The following IRAG1 variants were observed in gnomAD, a reference collection of about 807,000 sequenced individuals.
The protein encoded by IRAG1 is inositol 1,4,5-triphosphate receptor associated 1, also known as IP3R-associated cGMP kinase substrate.
Under a neutral mutation model 106.2 loss-of-function variants are expected in IRAG1, and 62 were observed. The observed-to-expected ratio is 0.58, with a 90% CI of 0.48 to 0.72. IRAG1 has a LOEUF of 0.72. Ranked by LOEUF, IRAG1 falls within the 30% of genes least tolerant of loss-of-function variation. The pLI, the probability that IRAG1 is intolerant of heterozygous loss-of-function variation, is 0.00. For synonymous variants in IRAG1, 462 were observed against 443.9 expected (o/e 1.04, Z -0.51); for missense variants, 1,064 against 1,140.7 (o/e 0.93, Z 0.97).
intron 13 of IRAG1, among the ~76,000 whole-genome samples, chr11:10,604,147 A>C (rs1241326752): frequency 6.6e-6 from 1 of 152,174 alleles, no homozygotes; most frequent in Non-Finnish European, 1.5e-5. Flanking sequence ...TGAAAGTAGG[A>C]GTCACACCCA....
intron 2 of IRAG1, among the ~76,000 whole-genome samples, chr11:10,645,185 G>A (rs181947233): frequency 4.6e-5 from 7 of 152,176 alleles, no homozygotes; most frequent in South Asian, 2.1e-4. Flanking sequence ...TCAATTCCTC[G>A]ATTCCATATT....
Position 10,573,964 on chromosome 11 carries a change from G to A in IRAG1, c.*2368C>T, listed in dbSNP as rs1850703884. The A allele has an allele frequency of 6.6e-6, 1 of 152,370 alleles. No homozygotes were observed. The highest frequency in any genetic ancestry group is 1.5e-5 in the Non-Finnish European group (1 of 68,172). The allele number at this position is 152,370 out of a possible 1,614,324, so 9.4% of individuals were successfully genotyped here. ...GGCAAATCATCCACTTCTGCCCCCAGAGTCCCTCTGCCCTGCTCTGTAACT... is the reference window on the plus strand; with the variant it reads ...GGCAAATCATCCACTTCTGCCCCCAAAGTCCCTCTGCCCTGCTCTGTAACT... On this transcript the variant is annotated 3_prime_UTR_variant, in exon 21 of 21. Coordinates refer to ENST00000423302, the MANE Select transcript of IRAG1 (RefSeq NM_130385.4).
At chr11:10,611,654 T>A (rs972476924) in intron 10 of IRAG1, 1 of 152,030 alleles carries the variant, frequency 6.6e-6, no homozygotes, top group African/African-American at 2.4e-5. Flanking sequence ...TTAAAAATAG[T>A]GACTAGAGAA....
At chr11:10,646,857 CCCCTTCCTCAATGTGTCCATGT>C (rs1183621126) in intron 2 of IRAG1, among the ~76,000 whole-genome samples, 1 of 152,116 alleles carries the variant, frequency 6.6e-6, no homozygotes, top group African/African-American at 2.4e-5. Context: ...ATGTGCCCTT[CCCCTTCCTCAATGTGTCCATGT>C]CCCTTCCTCA....
chr11:10,588,676 T>C (rs1205261275), intron 18 of IRAG1, among the ~76,000 whole-genome samples: 1 of 151,838 alleles, frequency 6.6e-6, no homozygotes, highest in Non-Finnish European at 1.5e-5. Context: ...AAGCTCTCTC[T>C]TCCCCCCACT....
chr11:10,670,072 G>A (rs1321052287), intron 1 of IRAG1, among the ~76,000 whole-genome samples: 2 of 152,240 alleles, frequency 1.3e-5, no homozygotes, highest in African/African-American at 2.4e-5. Flanking sequence ...AACCAATTGA[G>A]ATCAGCAGCA....
chr11:10,629,414 G>A (rs981263511), intron 5 of IRAG1, 124 bp downstream of exon 5: 7 of 973,272 alleles, frequency 7.2e-6, no homozygotes, highest in Admixed American at 2.8e-5. Flanking sequence ...CCTCTGCTGA[G>A]GAGAGCAGGT....
At chr11:10,634,728 C>A (rs1245891053) in intron 2 of IRAG1, among the ~76,000 whole-genome samples, 1 of 143,864 alleles carries the variant, frequency 7.0e-6, no homozygotes, top group Non-Finnish European at 1.5e-5. Flanking sequence ...AGATTTCCTT[C>A]TTTTTTTAAG....
chr11:10,594,280 C>T, intron 15 of IRAG1, 85 bp from the exon 16 acceptor site: 1 of 1,338,022 alleles, frequency 7.5e-7, no homozygotes. Flanking sequence ...CTATCGTATC[C>T]ATGGGCCAGA....
chr11:10,652,547 G>A (rs1204267605), intron 1 of IRAG1, among the ~76,000 whole-genome samples: 1 of 152,182 alleles, frequency 6.6e-6, no homozygotes, highest in Non-Finnish European at 1.5e-5. Context: ...GCCAGGCCCT[G>A]TCCTAGGAGC....
At chr11:10,658,774 T>C (rs1375813849) in intron 1 of IRAG1, among the ~76,000 whole-genome samples, 1 of 150,442 alleles carries the variant, frequency 6.6e-6, no homozygotes, top group Non-Finnish European at 1.5e-5. Context: ...AGGTCCGTGC[T>C]GTGCTTGCCC....
At position 10,631,981 on chromosome 11, in the gene IRAG1, T is replaced by G; in HGVS notation, c.400+10A>C. On this transcript the variant is annotated intron_variant, in intron 4 of 20. Coordinates refer to ENST00000423302, the MANE Select transcript of IRAG1 (RefSeq NM_130385.4). ...CTACTCAACATGCCTTAGATTGCCC[T>G]GGTCCTTACCCACAGATGTCAGGGA... 6.2e-7 allele frequency: 1 copy of G among 1,612,956 alleles called. No homozygotes were observed. The highest frequency in any genetic ancestry group is 8.5e-7 in the Non-Finnish European group (1 of 1,179,276).
intron 12 of IRAG1, among the ~76,000 whole-genome samples, chr11:10,605,217 T>C (rs561628662): frequency 2.0e-4 from 30 of 152,302 alleles, no homozygotes; most frequent in African/African-American, 7.2e-4. Context: ...AGGAAACTAC[T>C]AGGGAGAAGA....
chr11:10,658,634 T>C (rs1564932150), intron 1 of IRAG1: 1 of 179,738 alleles, frequency 5.6e-6, no homozygotes, highest in Non-Finnish European at 1.2e-5. Flanking sequence ...CCCAGGTCTG[T>C]GCTGGGCTTG....
rs1409564582 is a variant in IRAG1 at position 10,574,995 on chromosome 11, A to C, written c.*1337T>G. 6.6e-6 allele frequency: 1 copy of C among 152,188 alleles called. No individual in the cohort carries two copies. The highest frequency in any genetic ancestry group is 1.5e-5 in the Non-Finnish European group (1 of 68,038). 9.4% of individuals were successfully genotyped at this position (152,188 alleles called of 1,614,324 possible). A position where few individuals can be genotyped will look rare whatever the true frequency, so the allele number is the denominator to read the frequency against. On this transcript the variant is annotated 3_prime_UTR_variant, in exon 21 of 21. Coordinates refer to ENST00000423302, the MANE Select transcript of IRAG1 (RefSeq NM_130385.4). ...TTAAATGAATTCATACCTATGTAATACTGAGAACAGTGCTTGGCTCATAGT... is the reference window on the plus strand; with the variant it reads ...TTAAATGAATTCATACCTATGTAATCCTGAGAACAGTGCTTGGCTCATAGT...
At position 10,606,767 on chromosome 11, in the gene IRAG1, G is replaced by A. The variant is rs1198621477; in HGVS notation, c.1577C>T (p.Pro526Leu). ...CTCAACTTCCTTTTCAGTGAGTGGA[G>A]GGGCACTGTGAAAAAGAAAACACAC... ...RVHRSLPGSAPPLTEKEVENV... is the reference protein window; with the variant it reads ...RVHRSLPGSALPLTEKEVENV... Residue 526 changes from proline to leucine, a missense_variant, in exon 12 of 21, where the codon CCT becomes CTT. By Grantham distance (98) the Pro-to-Leu change is moderately conservative. Transcript: ENST00000423302. 6.3e-6 allele frequency: 10 copies of A among 1,588,722 alleles called. No individual in the cohort carries two copies. The Admixed American group carries it at 1.6e-4, about 26-fold the overall frequency.
At chr11:10,691,993 T>C (rs1862093510) in intron 1 of IRAG1, among the ~76,000 whole-genome samples, 13 of 152,208 alleles carry the variant, frequency 8.5e-5, no homozygotes, top group Admixed American at 8.5e-4. Flanking sequence ...GGGAACAGTG[T>C]TCAATACATA....
chr11:10,582,351 ACCCC>A (rs1851481091), intron 18 of IRAG1, among the ~76,000 whole-genome samples: 1 of 151,896 alleles, frequency 6.6e-6, no homozygotes, highest in South Asian at 2.1e-4. Flanking sequence ...TCACCTGAAG[ACCCC>A]CACTCATCTT....
At chr11:10,608,184 C>T (rs1194205696) in intron 11 of IRAG1, among the ~76,000 whole-genome samples, 2 of 152,124 alleles carry the variant, frequency 1.3e-5, no homozygotes, top group African/African-American at 2.4e-5. Flanking sequence ...GGCAGGATCA[C>T]TGCAGAGGTG....
Sources: gnomAD v4.1 joint callset for allele counts (sites outside exome capture counted in the v4.1 genomes callset) on GRCh38, gnomAD v4.1.1 for gene constraint, MANE v1.5 for transcripts, NCBI Gene and HGNC (gene_info 2026-07-23, HGNC 2026-07-21) for gene names.